The following ZSCAN25 variants were observed in gnomAD, a reference collection of about 807,000 sequenced individuals.
ZSCAN25 encodes the protein zinc finger and SCAN domain-containing protein 25.
In ZSCAN25, 27 loss-of-function variants were observed where a neutral mutation model predicts 38.7. The ratio of observed to expected loss-of-function variants is 0.70; its 90% CI spans 0.51 to 0.96. ZSCAN25 has a LOEUF of 0.96. ZSCAN25 is among the 40% of genes least tolerant of loss of function. The pLI is 0.00. For synonymous variants in ZSCAN25, 273 were observed against 277.7 expected, an observed-to-expected ratio of 0.98 and a Z score of 0.17; for missense variants, 637 against 705.9, an observed-to-expected ratio of 0.90 and a Z score of 1.11.
chr7:99,709,698 CA>C, the ZSCAN25 span, among the ~76,000 whole-genome samples: 1 of 151,980 alleles, frequency 6.6e-6, no homozygotes, highest in Admixed American at 6.6e-5. Flanking sequence ...GATTATTGGC[CA>C]AACTTCTGGT....
At chr7:99,702,345 C>T in the ZSCAN25 span, among the ~76,000 whole-genome samples, 2 of 152,134 alleles carry the variant, frequency 1.3e-5, no homozygotes. Flanking sequence ...TCTGCCTCAG[C>T]CTCTCAAAGT....
At chr7:99,665,880 G>A in the ZSCAN25 span, among the ~76,000 whole-genome samples, 1 of 152,182 alleles carries the variant, frequency 6.6e-6, no homozygotes, top group Non-Finnish European at 1.5e-5. Flanking sequence ...GTTGCGCTGA[G>A]AGCAGAGTCA....
At chr7:99,641,395 C>G in the ZSCAN25 span, among the ~76,000 whole-genome samples, 53 of 152,252 alleles carry the variant, frequency 3.5e-4, no homozygotes, top group African/African-American at 1.2e-3. Context: ...AATTACCTTC[C>G]TTCGGGTCCC....
At chr7:99,707,902 G>A in the ZSCAN25 span, 1 of 1,614,034 alleles carries the variant, frequency 6.2e-7, no homozygotes, top group Non-Finnish European at 8.5e-7. Flanking sequence ...TCATGCCAAT[G>A]CAGTTTCTGG....
chr7:99,682,652 A>G, the ZSCAN25 span, among the ~76,000 whole-genome samples: 1 of 143,958 alleles, frequency 6.9e-6, no homozygotes, highest in East Asian at 2.0e-4. Flanking sequence ...TTTTTTTTCT[A>G]TTTCTTTGAA....
chr7:99,660,214 C>CTTTTTTTTTTT, the ZSCAN25 span: 11 of 429,930 alleles, frequency 2.6e-5, no homozygotes, highest in African/African-American at 3.8e-4. Flanking sequence ...CGCCACACTC[C>CTTTTTTTTTTT]TTTTTTTTTT....
the ZSCAN25 span, chr7:99,671,916 CAT>C: frequency 1.4e-6 from 1 of 695,606 alleles, no homozygotes; most frequent in Non-Finnish European, 2.6e-6. Context: ...TACCCACACA[CAT>C]AAACACACAC....
In ZSCAN25 at chr7:99,629,326, C is replaced by T; in HGVS notation, c.941C>T (p.Pro314Leu). Reference sequence around the variant, plus strand: ...CTCGGAAGGGTCTGTGAGCAGGAGCCTGGTGGCCCTGCAGGCAGTGCGCCT... The same window carrying T: ...CTCGGAAGGGTCTGTGAGCAGGAGCTTGGTGGCCCTGCAGGCAGTGCGCCT... ...PGLGRVCEQEPGGPAGSAPGL... is the reference protein window; with the variant it reads ...PGLGRVCEQELGGPAGSAPGL... The change falls in exon 8 of 8, where the codon CCT becomes CTT. Residue 314 changes from proline (P) to leucine (L), a missense_variant. Coordinates refer to ENST00000394152, the MANE Select transcript of ZSCAN25 (RefSeq NM_145115.3). The surrounding 1 kb of genome is among the most constrained non-coding windows in gnomAD (Gnocchi z 5.6). The T allele has an allele frequency of 1.2e-6, 2 of 1,614,178 alleles. No homozygotes were observed. Among genetic ancestry groups the T allele is most frequent in the South Asian group, 1.1e-5 (1 of 91,082 alleles).
the ZSCAN25 span, among the ~76,000 whole-genome samples, chr7:99,672,057 G>C: frequency 6.6e-6 from 1 of 152,082 alleles, no homozygotes; most frequent in African/African-American, 2.4e-5. Context: ...TGTTGTTGTT[G>C]TTGTTGTTGT....
the ZSCAN25 span, chr7:99,707,775 G>T: frequency 7.4e-6 from 12 of 1,611,552 alleles, no homozygotes; most frequent in Non-Finnish European, 1.0e-5. Flanking sequence ...TAAAATAATT[G>T]TTAATAAAAC....
the ZSCAN25 span, among the ~76,000 whole-genome samples, chr7:99,698,101 T>C: frequency 2.0e-5 from 3 of 152,098 alleles, no homozygotes; most frequent in African/African-American, 7.2e-5. Flanking sequence ...ATACCACTTT[T>C]GGTTCCAATG....
At chr7:99,632,986 G>GTTTTTTTTTTTTTGTTTTTTTT (rs201141594), downstream of ZSCAN25, among the ~76,000 whole-genome samples, 11 of 141,536 alleles carry the variant, frequency 7.8e-5, no homozygotes, top group South Asian at 2.4e-3. Flanking sequence ...TGCATTTTCT[G>GTTTTTTTTTTTTTGTTTTTTTT]TTGTTTTTTT....
chr7:99,672,979 G>A, the ZSCAN25 span: 1 of 966,378 alleles, frequency 1.0e-6, no homozygotes, highest in South Asian at 3.4e-5. Context: ...CATTCGTTAA[G>A]CTGGGTGGTA....
the ZSCAN25 span, chr7:99,734,910 C>T: frequency 6.5e-7 from 1 of 1,537,524 alleles, no homozygotes; most frequent in Non-Finnish European, 9.0e-7. Context: ...TGTGAGCCAC[C>T]ACGGCCAGCC....
chr7:99,660,184 T>C, the ZSCAN25 span: 2 of 992,038 alleles, frequency 2.0e-6, no homozygotes, highest in Non-Finnish European at 2.4e-6. Flanking sequence ...ACTGGAGCTG[T>C]TCCTGTTTGG....
the ZSCAN25 span, chr7:99,665,083 T>C: frequency 8.5e-7 from 1 of 1,175,900 alleles, no homozygotes; most frequent in Non-Finnish European, 1.2e-6. Context: ...ACCTTTTAAG[T>C]GGATGAATTA....
downstream of ZSCAN25, among the ~76,000 whole-genome samples, chr7:99,636,739 T>C (rs935470523): frequency 1.3e-5 from 2 of 152,240 alleles, no homozygotes; most frequent in African/African-American, 4.8e-5. Context: ...TAACATTTGG[T>C]TCAAAATATT....
the ZSCAN25 span, among the ~76,000 whole-genome samples, chr7:99,736,370 G>C: frequency 6.6e-6 from 1 of 152,190 alleles, no homozygotes; most frequent in Non-Finnish European, 1.5e-5. Flanking sequence ...GGAATTCAAA[G>C]CAAATGGCTT....
chr7:99,689,608 C>T, the ZSCAN25 span, among the ~76,000 whole-genome samples: 1 of 152,180 alleles, frequency 6.6e-6, no homozygotes, highest in East Asian at 1.9e-4. Flanking sequence ...AGCAAAGTCT[C>T]AGGATACAAA....
Sources: gnomAD v4.1 joint callset for allele counts (sites outside exome capture counted in the v4.1 genomes callset) on GRCh38, gnomAD v4.1.1 for gene constraint, Gnocchi (gnomAD v3.1) non-coding constraint, MANE v1.5 for transcripts, NCBI Gene and HGNC (gene_info 2026-07-23, HGNC 2026-07-21) for gene names.